Variants in SASH1 observed in about 807,000 individuals in gnomAD.
The protein encoded by SASH1 is SAM and SH3 domain containing 1, also known as SAM and SH3 domain-containing protein 1.
In SASH1, 44 loss-of-function variants were observed where a neutral mutation model predicts 125.2. The ratio of observed to expected loss-of-function variants is 0.35; its 90% CI spans 0.28 to 0.45. The LOEUF (loss-of-function observed/expected upper bound fraction) is 0.45. SASH1 is among the 20% of genes least tolerant of loss of function. The pLI, the probability that SASH1 is intolerant of heterozygous loss-of-function variation, is 1.00. For synonymous variants in SASH1, 639 were observed against 649.1 expected (o/e 0.98, Z 0.24); for missense variants, 1,426 against 1,614.5 (o/e 0.88, Z 2.00).
At chr6:148,367,827 G>A (rs4131286) in intron 1 of SASH1, among the ~76,000 whole-genome samples, 12 of 152,282 alleles carry the variant, frequency 7.9e-5, no homozygotes, top group Admixed American at 2.6e-4. Context: ...GACACCCCTC[G>A]GAGGCCTCGA....
chr6:148,477,284 A>G (rs1453882655), intron 7 of SASH1, among the ~76,000 whole-genome samples: 1 of 152,226 alleles, frequency 6.6e-6, no homozygotes, highest in Non-Finnish European at 1.5e-5. Flanking sequence ...GACAACCCAC[A>G]TACTGGGAGA....
chr6:148,197,797 T>C, the SASH1 span, among the ~76,000 whole-genome samples: 2 of 152,204 alleles, frequency 1.3e-5, no homozygotes, highest in Non-Finnish European at 2.9e-5. Flanking sequence ...AGGGTGGTTT[T>C]CCTCATGCTG....
At chr6:148,256,782 A>C in the SASH1 span, among the ~76,000 whole-genome samples, 4 of 152,198 alleles carry the variant, frequency 2.6e-5, no homozygotes, top group East Asian at 7.7e-4. Context: ...TGCATTTGTC[A>C]AATCTTATAC....
the SASH1 span, among the ~76,000 whole-genome samples, chr6:148,246,939 C>A: frequency 2.0e-5 from 3 of 152,188 alleles, no homozygotes; most frequent in African/African-American, 7.2e-5. Flanking sequence ...GTTTGGAATG[C>A]AGATGGCCCT....
At chr6:148,201,729 A>T in the SASH1 span, among the ~76,000 whole-genome samples, 1 of 152,178 alleles carries the variant, frequency 6.6e-6, no homozygotes, top group East Asian at 1.9e-4. Flanking sequence ...GATACCAAGG[A>T]TCTGAACCAG....
intron 1 of SASH1, among the ~76,000 whole-genome samples, chr6:148,346,686 C>T (rs1227786406): frequency 1.3e-5 from 2 of 152,168 alleles, no homozygotes; most frequent in African/African-American, 4.8e-5. Context: ...CATGTGCCTG[C>T]TGTAATGTAA....
intron 1 of SASH1, among the ~76,000 whole-genome samples, chr6:148,315,674 C>T (rs539498541): frequency 3.3e-5 from 5 of 152,168 alleles, no homozygotes; most frequent in Admixed American, 2.0e-4. Context: ...GAGGCCCAGG[C>T]GAGAGGATTG....
chr6:148,439,965 G>A (rs145721415), intron 2 of SASH1, among the ~76,000 whole-genome samples: 4 of 152,140 alleles, frequency 2.6e-5, no homozygotes, highest in African/African-American at 9.6e-5. Context: ...AGCAGAGTCT[G>A]GCAACAAAGT....
intron 12 of SASH1, 22 bp downstream of exon 12, chr6:148,527,618 T>C (rs748865698): frequency 3.8e-6 from 6 of 1,587,730 alleles, no homozygotes; most frequent in Non-Finnish European, 4.3e-6. Context: ...CCTGGTAGAA[T>C]GTTCCCTTGG....
chr6:148,524,115 A>ATTT (rs1379430620), intron 10 of SASH1, among the ~76,000 whole-genome samples: 2 of 52,726 alleles, frequency 3.8e-5, no homozygotes, highest in African/African-American at 1.2e-4. Flanking sequence ...ATATATATAT[A>ATTT]TATATATTTT....
At chr6:148,471,617 A>AT in intron 6 of SASH1, 114 bp downstream of exon 6, 2 of 667,208 alleles carry the variant, frequency 3.0e-6, no homozygotes, top group South Asian at 3.7e-5. Flanking sequence ...GCATGTGCCC[A>AT]TAAGATGTTC....
chr6:148,536,193 T>C (rs910890627), intron 16 of SASH1, among the ~76,000 whole-genome samples: 4 of 152,230 alleles, frequency 2.6e-5, no homozygotes, highest in Non-Finnish European at 4.4e-5. Flanking sequence ...GTAAAGAGCC[T>C]GCACGGTAAC....
At chr6:148,451,389 T>C (rs1040140105) in intron 4 of SASH1, among the ~76,000 whole-genome samples, 3 of 152,236 alleles carry the variant, frequency 2.0e-5, no homozygotes, top group Non-Finnish European at 2.9e-5. Context: ...TAAATAAACA[T>C]TTGACATAGT....
chr6:148,510,995 CAAA>C lies in SASH1; in HGVS notation c.730-3313_730-3311del, dbSNP rs5880785. 7.9e-3 allele frequency among the ~76,000 whole-genome samples: 909 copies of C among 115,334 alleles called. 4 individuals carry two copies. The highest frequency in any genetic ancestry group is 0.011 in the Non-Finnish European group (606 of 56,542). The allele number at this position is 115,334 out of a possible 152,430, so 75.7% of individuals were successfully genotyped here. A position where few individuals can be genotyped will look rare whatever the true frequency, so the allele number is the denominator to read the frequency against. On this transcript the variant is annotated intron_variant, in intron 8 of 19. Transcript: ENST00000367467. ...TGGGAGACAGAGCGAGACTCCATCT[CAAA>C]AAAAAAAAAAAAAAAGAAAGACATG...
chr6:148,224,131 C>A, the SASH1 span, among the ~76,000 whole-genome samples: 3 of 151,992 alleles, frequency 2.0e-5, no homozygotes, highest in Non-Finnish European at 4.4e-5. Flanking sequence ...TTGTCTCTAC[C>A]AAAAATTTTA....
At chr6:148,508,471 G>A (rs542293160) in intron 8 of SASH1, 102 of 1,000,676 alleles carry the variant, frequency 1.0e-4, no homozygotes, top group Non-Finnish European at 1.2e-4. Context: ...GGAACTGGAG[G>A]CCAGCAGGAG....
intron 2 of SASH1, among the ~76,000 whole-genome samples, chr6:148,405,822 C>G (rs1009984194): frequency 4.6e-5 from 7 of 152,188 alleles, no homozygotes; most frequent in Non-Finnish European, 7.3e-5. Context: ...AAGTTCTGTA[C>G]TTCTGTATCC....
the SASH1 span, among the ~76,000 whole-genome samples, chr6:148,221,068 C>T: frequency 3.3e-5 from 5 of 152,262 alleles, no homozygotes; most frequent in South Asian, 1.0e-3. Context: ...CTTGAAAATG[C>T]TTTCTAAATG....
intron 2 of SASH1, among the ~76,000 whole-genome samples, chr6:148,395,409 T>C (rs1227331484): frequency 6.6e-6 from 1 of 152,214 alleles, no homozygotes; most frequent in African/African-American, 2.4e-5. Context: ...AGTAATTAAC[T>C]TTCTGGACTG....
Sources: gnomAD v4.1 joint callset for allele counts (sites outside exome capture counted in the v4.1 genomes callset) on GRCh38, gnomAD v4.1.1 for gene constraint, MANE v1.5 for transcripts, NCBI Gene and HGNC (gene_info 2026-07-23, HGNC 2026-07-21) for gene names.